Variants in SLC44A5 observed in about 807,000 individuals in gnomAD.
The protein encoded by SLC44A5 is choline transporter-like protein 5.
In SLC44A5, 57 loss-of-function variants were observed where a neutral mutation model predicts 101.8. The ratio of observed to expected loss-of-function variants is 0.56; its 90% CI spans 0.45 to 0.70. The LOEUF is 0.70. Among genes scored for constraint, SLC44A5 ranks in the 30% least tolerant of loss-of-function variants. SLC44A5 has a pLI of 0.00. For missense variants in SLC44A5, 737 were observed against 853.1 expected, an observed-to-expected ratio of 0.86 and a Z score of 1.70; for synonymous variants, 281 against 290.9, an observed-to-expected ratio of 0.97 and a Z score of 0.35.
chr1:75,616,922 A>G, the SLC44A5 span, among the ~76,000 whole-genome samples: 1 of 152,320 alleles, frequency 6.6e-6, no homozygotes, highest in Non-Finnish European at 1.5e-5. Context: ...AAACTTGGTT[A>G]CAGTGGCCAC....
chr1:75,538,030 T>C (rs1671150569), intron 2 of SLC44A5: 1 of 152,204 alleles, frequency 6.6e-6, no homozygotes, highest in African/African-American at 2.4e-5. Context: ...TATAGCAGGT[T>C]TACAAATTTG....
the SLC44A5 span, among the ~76,000 whole-genome samples, chr1:75,627,160 C>A: frequency 6.6e-6 from 1 of 152,018 alleles, no homozygotes; most frequent in Non-Finnish European, 1.5e-5. Context: ...TCGGTTATAC[C>A]TTTATCATTA....
Position 75,213,958 on chromosome 1 carries a change from C to G in SLC44A5, c.1834G>C (p.Val612Leu). Residue 612 changes from valine to leucine, a missense_variant, in exon 21 of 24, where the codon GTA becomes CTA. By Grantham distance (32) the Val-to-Leu change is conservative (BLOSUM62 1). Coordinates refer to ENST00000370859, the MANE Select transcript of SLC44A5 (RefSeq NM_001130058.2). Reference sequence around the variant, plus strand: ...ACTAGAAGTTTCCCCAGGAATAATACAAAGTATGTAACTTCATCTGTAACT... The same window carrying G: ...ACTAGAAGTTTCCCCAGGAATAATAGAAAGTATGTAACTTCATCTGTAACT... Reference protein sequence around the residue: ...VAVTDEVTYFVLFLGKLLVAG... With the variant: ...VAVTDEVTYFLLFLGKLLVAG... The G allele has an allele frequency of 6.3e-7, 1 of 1,595,802 alleles. No individual in the cohort carries two copies. The highest frequency in any genetic ancestry group is 8.6e-7 in the Non-Finnish European group (1 of 1,168,332).
intron 2 of SLC44A5, among the ~76,000 whole-genome samples, chr1:75,455,788 C>T (rs1256268294): frequency 2.0e-5 from 3 of 151,924 alleles, no homozygotes; most frequent in African/African-American, 7.2e-5. Context: ...CAGAGAAATC[C>T]AAATCAAAAC....
intron 2 of SLC44A5, among the ~76,000 whole-genome samples, chr1:75,506,042 G>A (rs899431476): frequency 5.9e-5 from 9 of 152,000 alleles, no homozygotes; most frequent in Admixed American, 3.9e-4. Context: ...GTTCAAGGTA[G>A]GGGTCTAGTT....
intron 3 of SLC44A5, among the ~76,000 whole-genome samples, chr1:75,390,124 T>A (rs959581539): frequency 6.6e-6 from 1 of 151,938 alleles, no homozygotes; most frequent in African/African-American, 2.4e-5. Context: ...ACTGAAACAC[T>A]GAACAGGCCA....
chr1:75,537,197 C>T (rs1671102155), intron 2 of SLC44A5, among the ~76,000 whole-genome samples: 2 of 151,748 alleles, frequency 1.3e-5, no homozygotes, highest in South Asian at 4.2e-4. Context: ...TAACTCTGGG[C>T]AATCATCTAG....
chr1:75,450,047 A>G (rs1329122621), intron 2 of SLC44A5, among the ~76,000 whole-genome samples: 1 of 152,142 alleles, frequency 6.6e-6, no homozygotes. Context: ...CAACTTTGTG[A>G]GCTTTATTTA....
intron 2 of SLC44A5, among the ~76,000 whole-genome samples, chr1:75,420,518 G>A (rs1663938175): frequency 6.6e-6 from 1 of 152,112 alleles, no homozygotes; most frequent in South Asian, 2.1e-4. Flanking sequence ...AAAAGGCAGA[G>A]CTTGTAAATT....
intron 2 of SLC44A5, among the ~76,000 whole-genome samples, chr1:75,430,172 G>C (rs1664535095): frequency 6.6e-6 from 1 of 152,080 alleles, no homozygotes; most frequent in Non-Finnish European, 1.5e-5. Flanking sequence ...TTTATGAATG[G>C]ATTATTACCA....
the SLC44A5 span, chr1:75,641,233 G>A: frequency 2.7e-6 from 1 of 371,486 alleles, no homozygotes; most frequent in Non-Finnish European, 4.8e-6. Flanking sequence ...AATAAAATTT[G>A]TCTCCATCAT....
chr1:75,579,270 C>A (rs981138979), intron 1 of SLC44A5, among the ~76,000 whole-genome samples: 2 of 152,080 alleles, frequency 1.3e-5, no homozygotes, highest in African/African-American at 4.8e-5. Flanking sequence ...CTGAACTTGA[C>A]CAGAACACAT....
intron 4 of SLC44A5, among the ~76,000 whole-genome samples, chr1:75,315,250 T>C (rs754288765): frequency 2.7e-4 from 41 of 152,172 alleles, no homozygotes; most frequent in Non-Finnish European, 5.3e-4. Flanking sequence ...ATTATTACCA[T>C]CATTATTTAT....
At chr1:75,630,409 C>T in the SLC44A5 span, among the ~76,000 whole-genome samples, 1 of 152,188 alleles carries the variant, frequency 6.6e-6, no homozygotes, top group Non-Finnish European at 1.5e-5. Flanking sequence ...CACAAAGCAG[C>T]CACCTGCGTG....
At chr1:75,644,623 TAA>T in the SLC44A5 span, among the ~76,000 whole-genome samples, 5 of 141,930 alleles carry the variant, frequency 3.5e-5, no homozygotes, top group African/African-American at 9.9e-5. Flanking sequence ...TTATTCAATA[TAA>T]GTCTTTATAT....
chr1:75,243,170 T>G (rs911900359), intron 7 of SLC44A5, among the ~76,000 whole-genome samples, 159 bp from the exon 8 acceptor site: 1 of 152,120 alleles, frequency 6.6e-6, no homozygotes, highest in Non-Finnish European at 1.5e-5. Context: ...TCTTTTTCTT[T>G]CTTTTTTATT....
the SLC44A5 span, among the ~76,000 whole-genome samples, chr1:75,627,888 G>C: frequency 1.4e-5 from 2 of 146,814 alleles, no homozygotes; most frequent in African/African-American, 5.1e-5. Context: ...AGCTTTTCTT[G>C]AGCATCTAGT....
chr1:75,595,923 T>G (rs1451174610), intron 1 of SLC44A5, among the ~76,000 whole-genome samples: 1 of 152,190 alleles, frequency 6.6e-6, no homozygotes, highest in East Asian at 1.9e-4. Context: ...TAATTTAGCA[T>G]CACATTCATT....
At chr1:75,673,301 G>A in the SLC44A5 span, among the ~76,000 whole-genome samples, 9 of 151,910 alleles carry the variant, frequency 5.9e-5, no homozygotes, top group African/African-American at 1.2e-4. Flanking sequence ...GCTGTGGGTC[G>A]GGGGTGTGAT....
Sources: gnomAD v4.1 joint callset for allele counts (sites outside exome capture counted in the v4.1 genomes callset) on GRCh38, gnomAD v4.1.1 for gene constraint, MANE v1.5 for transcripts, NCBI Gene and HGNC (gene_info 2026-07-23, HGNC 2026-07-21) for gene names.